The following CCSER1 variants were observed in gnomAD, a reference collection of about 807,000 sequenced individuals.
CCSER1 encodes serine-rich coiled-coil domain-containing protein 1.
Under a neutral mutation model 82.0 loss-of-function variants are expected in CCSER1, and 41 were observed. The ratio of observed to expected loss-of-function variants is 0.50; its 90% CI spans 0.39 to 0.65. CCSER1 has a LOEUF of 0.65. CCSER1 is among the 30% of genes least tolerant of loss of function. CCSER1 has a pLI of 0.00. For synonymous variants in CCSER1, 414 were observed against 383.9 expected (o/e 1.08, Z -0.92); for missense variants, 1,119 against 1,064.2 (o/e 1.05, Z -0.72).
intron 9 of CCSER1, among the ~76,000 whole-genome samples, chr4:90,947,173 C>A (rs1242029884): frequency 6.6e-6 from 1 of 152,174 alleles, no homozygotes; most frequent in African/African-American, 2.4e-5. Flanking sequence ...AGGAGCAAAT[C>A]AACATATGCC....
In CCSER1 at chr4:90,478,523, GTTTATTC is replaced by G. The variant is rs1001676757; in HGVS notation, c.1724+10170_1724+10176del. Among the ~76,000 whole-genome samples, 16 of 152,006 alleles carry G rather than the reference GTTTATTC, an allele frequency of 1.1e-4. 1 individual carries two copies. In the East Asian group the frequency reaches 2.9e-3, roughly 28 times the overall value. On this transcript the variant is annotated intron_variant, in intron 5 of 10. Coordinates refer to ENST00000509176, the MANE Select transcript of CCSER1 (RefSeq NM_001145065.2). ...ATCTAGTCTTTAAAATAATAAATTG[GTTTATTC>G]AGTAACACTTAAATGTATTTAATAT...
chr4:91,545,403 G>A (rs892714241), intron 10 of CCSER1, among the ~76,000 whole-genome samples: 4 of 152,070 alleles, frequency 2.6e-5, no homozygotes, highest in African/African-American at 7.2e-5. Flanking sequence ...CTTCTGTGTC[G>A]CTTACACTGG....
intron 9 of CCSER1, among the ~76,000 whole-genome samples, chr4:91,076,509 G>C (rs1722012973): frequency 6.6e-6 from 1 of 152,112 alleles, no homozygotes; most frequent in East Asian, 1.9e-4. Context: ...AAGGATGAAA[G>C]GATGAACTTG....
intron 1 of CCSER1, among the ~76,000 whole-genome samples, chr4:90,158,700 A>G (rs997159313): frequency 2.6e-5 from 4 of 152,138 alleles, no homozygotes; most frequent in African/African-American, 9.7e-5. Flanking sequence ...GATATAATCT[A>G]CTGCTGCGCC....
rs185504778 is a variant in CCSER1 at position 90,528,600 on chromosome 4, T to G, written c.1724+60246T>G. ...CTCCAACCAAACTTTAAAGACTTCA[T>G]AATATTACTTCATTTGTGAACCATA... On this transcript the variant is annotated intron_variant, in intron 5 of 10. Transcript: ENST00000509176. Among the ~76,000 whole-genome samples the G allele has an allele frequency of 3.3e-5, 5 of 152,346 alleles. No individual in the cohort carries two copies. The East Asian group carries it at 9.6e-4, about 29-fold the overall frequency.
At chr4:91,576,198 TATATA>T (rs780716266) in intron 10 of CCSER1, among the ~76,000 whole-genome samples, 1 of 152,038 alleles carries the variant, frequency 6.6e-6, no homozygotes. Context: ...AATCAATATC[TATATA>T]ATATAACTTT....
intron 10 of CCSER1, among the ~76,000 whole-genome samples, chr4:91,320,925 G>C (rs528995728): frequency 1.3e-5 from 2 of 152,098 alleles, no homozygotes; most frequent in African/African-American, 4.8e-5. Context: ...TGATTGAATT[G>C]TTTAGTCATG....
At chr4:90,578,537 A>G (rs1781025022) in intron 5 of CCSER1, among the ~76,000 whole-genome samples, 1 of 152,204 alleles carries the variant, frequency 6.6e-6, no homozygotes, top group African/African-American at 2.4e-5. Context: ...TAATTCTCTT[A>G]GAGAATAGGC....
intron 7 of CCSER1, among the ~76,000 whole-genome samples, chr4:90,791,982 G>A (rs764048980): frequency 1.3e-5 from 2 of 152,152 alleles, no homozygotes; most frequent in Non-Finnish European, 2.9e-5. Context: ...TATTGCAGTT[G>A]CCTTGAACCA....
At chr4:90,719,198 C>T (rs977018036) in intron 6 of CCSER1, among the ~76,000 whole-genome samples, 1 of 152,020 alleles carries the variant, frequency 6.6e-6, no homozygotes, top group Non-Finnish European at 1.5e-5. Flanking sequence ...AGATCAGCTG[C>T]GGCATTAGAG....
intron 9 of CCSER1, among the ~76,000 whole-genome samples, chr4:90,983,111 A>T (rs1581258274): frequency 6.6e-6 from 1 of 151,764 alleles, no homozygotes; most frequent in Admixed American, 6.6e-5. Context: ...ACATTCTTTC[A>T]TGAATCACTA....
rs528833235 is a variant in CCSER1, at chr4:90,707,255, A to G, written c.1933-16659A>G. ...GCTCCTTGAACTGTTTTTTTTTTCA[A>G]TAATCTTGTTCTCAATCCTATCTCC... is the stretch of plus-strand genomic sequence containing the variant. On this transcript the variant is annotated intron_variant, in intron 6 of 10. Transcript: ENST00000509176. Among the ~76,000 whole-genome samples, 8 of 151,562 alleles carry G rather than the reference A, an allele frequency of 5.3e-5. 1 individual carries two copies. In the South Asian group the frequency reaches 1.7e-3, roughly 31 times the overall value.
chr4:91,466,976 A>T (rs1756950321), intron 10 of CCSER1, among the ~76,000 whole-genome samples: 1 of 152,216 alleles, frequency 6.6e-6, no homozygotes, highest in Non-Finnish European at 1.5e-5. Flanking sequence ...GCTACCAATG[A>T]CTTTCTTCAC....
rs1039033260 is a variant in CCSER1 at position 91,156,407 on chromosome 4, G to C, written c.2217+70413G>C. On this transcript the variant is annotated intron_variant, in intron 10 of 10. Transcript: ENST00000509176. ...CTACTTTTAAAAAAATTTTACAACT[G>C]TTCTGATCCTTAGAAATTTACTTTT... 2.6e-5 allele frequency among the ~76,000 whole-genome samples: 4 copies of C among 151,370 alleles called. 1 individual carries two copies. Among genetic ancestry groups the C allele is most frequent in the Non-Finnish European group, 4.4e-5 (3 of 67,724 alleles).
chr4:90,524,627 C>A (rs1292888375), intron 5 of CCSER1, among the ~76,000 whole-genome samples: 4 of 152,174 alleles, frequency 2.6e-5, no homozygotes, highest in Admixed American at 6.5e-5. Context: ...TGCCACTACA[C>A]CCAGCTAATT....
At chr4:91,572,482 G>A (rs1457352702) in intron 10 of CCSER1, among the ~76,000 whole-genome samples, 4 of 152,194 alleles carry the variant, frequency 2.6e-5, no homozygotes, top group South Asian at 4.1e-4. Context: ...CAAACACTTC[G>A]ATGACCAAAG....
At chr4:90,509,364 G>T (rs1337052509) in intron 5 of CCSER1, among the ~76,000 whole-genome samples, 6 of 152,024 alleles carry the variant, frequency 3.9e-5, no homozygotes, top group African/African-American at 1.4e-4. Flanking sequence ...AAAAAACAAA[G>T]AATAATAAGA....
At chr4:90,999,574 G>T (rs536279354) in intron 9 of CCSER1, among the ~76,000 whole-genome samples, 3 of 152,158 alleles carry the variant, frequency 2.0e-5, no homozygotes, top group South Asian at 4.1e-4. Flanking sequence ...TTTTAATGGG[G>T]TTATTTGTTT....
At chr4:90,965,853 A>T (rs1734511737) in intron 9 of CCSER1, among the ~76,000 whole-genome samples, 1 of 152,148 alleles carries the variant, frequency 6.6e-6, no homozygotes, top group African/African-American at 2.4e-5. Flanking sequence ...GATGGAAGCC[A>T]TGTCTAAAGA....
Sources: gnomAD v4.1 joint callset for allele counts (sites outside exome capture counted in the v4.1 genomes callset) on GRCh38, gnomAD v4.1.1 for gene constraint, MANE v1.5 for transcripts, NCBI Gene and HGNC (gene_info 2026-07-23, HGNC 2026-07-21) for gene names.